PLEKHA5: variants seen among roughly 807,000 people sequenced by gnomAD.
The protein encoded by PLEKHA5 is pleckstrin homology domain-containing family A member 5.
In PLEKHA5, 55 loss-of-function variants were observed where a neutral mutation model predicts 181.9. The ratio of observed to expected loss-of-function variants is 0.30; its 90% confidence interval spans 0.24 to 0.38. The LOEUF (loss-of-function observed/expected upper bound fraction) is 0.38. Among genes scored for constraint, PLEKHA5 ranks in the 10% least tolerant of loss-of-function variants. The probability of loss-of-function intolerance (pLI) is 1.00; values close to 1 mark genes in which losing one functional copy is unlikely to be tolerated. For synonymous variants in PLEKHA5, 535 were observed against 529.4 expected, an observed-to-expected ratio of 1.01 and a Z score of -0.15; for missense variants, 1,432 against 1,549.5, an observed-to-expected ratio of 0.92 and a Z score of 1.27.
intron 21 of PLEKHA5, among the ~76,000 whole-genome samples, chr12:19,341,867 G>A (rs1184872539): frequency 6.6e-6 from 1 of 151,910 alleles, no homozygotes; most frequent in African/African-American, 2.4e-5. Context: ...AAGTAGCTGG[G>A]ACCACAGACA....
intron 10 of PLEKHA5, among the ~76,000 whole-genome samples, chr12:19,273,217 T>C (rs1365995888): frequency 1.3e-5 from 2 of 152,162 alleles, no homozygotes; most frequent in African/African-American, 4.8e-5. Context: ...CCAACTTTTA[T>C]TTTTCAAGAG....
intron 3 of PLEKHA5, among the ~76,000 whole-genome samples, chr12:19,192,721 GA>G (rs1218144611): frequency 6.6e-6 from 1 of 152,032 alleles, no homozygotes; most frequent in Non-Finnish European, 1.5e-5. Flanking sequence ...AAATAAAAAA[GA>G]AAAGAATTTA....
At chr12:19,273,283 A>G (rs777663551) in intron 10 of PLEKHA5, among the ~76,000 whole-genome samples, 3 of 152,132 alleles carry the variant, frequency 2.0e-5, no homozygotes, top group Non-Finnish European at 4.4e-5. Context: ...GTTGCCTCCA[A>G]TCTAGAAGCC....
At chr12:19,345,928 A>C in intron 23 of PLEKHA5, 40 bp downstream of exon 23, 2 of 959,550 alleles carry the variant, frequency 2.1e-6, no homozygotes, top group Non-Finnish European at 3.3e-6. Flanking sequence ...ATTACTTTTA[A>C]TGCTTAAGAG....
chr12:19,364,891 C>A (rs2095375652), intron 29 of PLEKHA5, among the ~76,000 whole-genome samples: 1 of 152,086 alleles, frequency 6.6e-6, no homozygotes, highest in African/African-American at 2.4e-5. Context: ...TCTTGAACTC[C>A]TGACCTCATG....
In PLEKHA5 at chr12:19,360,946, G is replaced by A. The variant is rs555402335; in HGVS notation, c.3484-636G>A. Among the ~76,000 whole-genome samples the A allele has an allele frequency of 2.0e-3, 300 of 152,044 alleles. 1 individual carries two copies. The highest frequency in any genetic ancestry group is 6.8e-3 in the African/African-American group (282 of 41,498). ...AATTTTTTGTGTTATTAGTAGAGAC[G>A]GAGTTTCACCATGTTGACCAGGCTG... On this transcript the variant is annotated intron_variant, in intron 28 of 31. Coordinates refer to ENST00000429027, the MANE Select transcript of PLEKHA5 (RefSeq NM_001256470.2).
intron 25 of PLEKHA5, among the ~76,000 whole-genome samples, chr12:19,351,594 G>A (rs1404367253): frequency 1.3e-5 from 2 of 152,102 alleles, no homozygotes; most frequent in Non-Finnish European, 2.9e-5. Flanking sequence ...AGACTGCAGA[G>A]AGCTGTGATC....
chr12:19,166,537 T>G (rs1377386911), intron 3 of PLEKHA5, among the ~76,000 whole-genome samples: 1 of 152,150 alleles, frequency 6.6e-6, no homozygotes, highest in Non-Finnish European at 1.5e-5. Context: ...TTTGTCCTTT[T>G]ATACCTTACC....
At chr12:19,256,957 A>T (rs559181056) in intron 5 of PLEKHA5, among the ~76,000 whole-genome samples, 1 of 152,274 alleles carries the variant, frequency 6.6e-6, no homozygotes, top group African/African-American at 2.4e-5. Context: ...TTTTGACTTG[A>T]TGTGATATAT....
At chr12:19,170,295 A>G (rs1173796885) in intron 3 of PLEKHA5, among the ~76,000 whole-genome samples, 2 of 152,244 alleles carry the variant, frequency 1.3e-5, no homozygotes, top group Non-Finnish European at 2.9e-5. Flanking sequence ...ACCTTGTACA[A>G]TAACTATACT....
chr12:19,258,266 G>C (rs1294877567), intron 6 of PLEKHA5, among the ~76,000 whole-genome samples: 2 of 152,060 alleles, frequency 1.3e-5, no homozygotes, highest in African/African-American at 4.8e-5. Flanking sequence ...CCAGTTTGCA[G>C]CTAGGTTTCA....
At chr12:19,146,851 C>G (rs752130337) in intron 3 of PLEKHA5, among the ~76,000 whole-genome samples, 5 of 152,124 alleles carry the variant, frequency 3.3e-5, no homozygotes, top group Non-Finnish European at 7.4e-5. Flanking sequence ...ACTCTCTTAC[C>G]TTAGTTAGCT....
At chr12:19,306,348 TC>T in intron 15 of PLEKHA5, 1 of 442,400 alleles carries the variant, frequency 2.3e-6, no homozygotes, top group Non-Finnish European at 4.4e-6. Flanking sequence ...CCGTTTGTTT[TC>T]TCGTGCTCTC....
At chr12:19,232,648 G>A (rs1353614476) in intron 3 of PLEKHA5, among the ~76,000 whole-genome samples, 1 of 152,090 alleles carries the variant, frequency 6.6e-6, no homozygotes, top group East Asian at 1.9e-4. Flanking sequence ...ATTATAAATG[G>A]TCTCTTCCTA....
At chr12:19,363,157 CAG>C (rs1462145267) in intron 29 of PLEKHA5, among the ~76,000 whole-genome samples, 1 of 148,848 alleles carries the variant, frequency 6.7e-6, no homozygotes, top group South Asian at 2.1e-4. Context: ...GTTTTTGAGA[CAG>C]AGTCTCGCTC....
At chr12:19,346,645 A>T (rs2094349638) in intron 23 of PLEKHA5, among the ~76,000 whole-genome samples, 1 of 152,152 alleles carries the variant, frequency 6.6e-6, no homozygotes, top group South Asian at 2.1e-4. Context: ...AATAAATAAG[A>T]TAAATTGTGA....
At chr12:19,197,722 G>C (rs902179067) in intron 3 of PLEKHA5, among the ~76,000 whole-genome samples, 2 of 120,170 alleles carry the variant, frequency 1.7e-5, no homozygotes, top group East Asian at 4.6e-4. Flanking sequence ...GTGTGTGTGT[G>C]TGTGTGTGTG....
At chr12:19,229,136 G>A (rs369901495) in intron 3 of PLEKHA5, among the ~76,000 whole-genome samples, 2 of 152,294 alleles carry the variant, frequency 1.3e-5, no homozygotes, top group South Asian at 2.1e-4. Context: ...GCAGAGAAAT[G>A]TTTAGTTTGT....
chr12:19,307,734 A>G (rs2152962659), intron 15 of PLEKHA5, among the ~76,000 whole-genome samples: 1 of 152,194 alleles, frequency 6.6e-6, no homozygotes, highest in East Asian at 1.9e-4. Context: ...GAGCACATCA[A>G]AAACGAGAGA....
Sources: gnomAD v4.1 joint callset for allele counts (sites outside exome capture counted in the v4.1 genomes callset) on GRCh38, gnomAD v4.1.1 for gene constraint, MANE v1.5 for transcripts, NCBI Gene and HGNC (gene_info 2026-07-23, HGNC 2026-07-21) for gene names.